Variants in NFKB1 observed in about 807,000 individuals in gnomAD.
NFKB1 encodes the protein nuclear factor NF-kappa-B p105 subunit.
In NFKB1, 9 loss-of-function variants were observed where a neutral mutation model predicts 105.1. The observed-to-expected ratio is 0.09, with a 90% CI of 0.05 to 0.15. NFKB1 has a LOEUF of 0.15. NFKB1 is among the 10% of genes least tolerant of loss of function. The probability of loss-of-function intolerance (pLI) is 1.00; values close to 1 mark genes in which losing one functional copy is unlikely to be tolerated. For synonymous variants in NFKB1, 440 were observed against 442.2 expected (o/e 1.00, Z 0.06); for missense variants, 830 against 1,203.7 (o/e 0.69, Z 4.59).
chr4:102,558,053 T>A (rs968010558), intron 5 of NFKB1, among the ~76,000 whole-genome samples: 4 of 151,844 alleles, frequency 2.6e-5, no homozygotes, highest in Non-Finnish European at 4.4e-5. Context: ...TTTTTTTACT[T>A]TTAAGTTTTA....
At position 102,530,569 on chromosome 4, in the gene NFKB1, C is replaced by T. The variant is rs191540072; in HGVS notation, c.118+655C>T. Among the ~76,000 whole-genome samples, 9 of 152,256 alleles carry T rather than the reference C, an allele frequency of 5.9e-5. No homozygotes were observed. The East Asian group carries it at 7.7e-4, about 13-fold the overall frequency. On this transcript the variant is annotated intron_variant, in intron 3 of 23. Transcript: ENST00000226574. Reference sequence around the variant, plus strand: ...GTTCTGTTTCTCTCCTCACTTCACCCGTCACCAGTGGGACTTAACAGATGT... The same window carrying T: ...GTTCTGTTTCTCTCCTCACTTCACCTGTCACCAGTGGGACTTAACAGATGT...
rs147512838 is a variant in NFKB1 at position 102,604,023 on chromosome 4, TTA to T, written c.1753-2471_1753-2470del. ...CATTATTGGAGGGTTTTATGTATTT[TTA>T]TGTTTTTAATTATTATACATATCAT... On this transcript the variant is annotated intron_variant, in intron 16 of 23. Coordinates refer to ENST00000226574, the MANE Select transcript of NFKB1 (RefSeq NM_003998.4). Among the ~76,000 whole-genome samples the T allele has an allele frequency of 2.3e-3, 350 of 152,352 alleles. 1 individual carries two copies. Among genetic ancestry groups the T allele is most frequent in the African/African-American group, 8.2e-3 (339 of 41,580 alleles).
intron 6 of NFKB1, among the ~76,000 whole-genome samples, chr4:102,570,884 A>G (rs1578776339): frequency 6.6e-6 from 1 of 152,202 alleles, no homozygotes; most frequent in Non-Finnish European, 1.5e-5. Context: ...GGAAGAATCA[A>G]TATCGTGAAA....
At chr4:102,533,998 A>G (rs1478022299) in intron 4 of NFKB1, 113 bp downstream of exon 4, 1 of 872,048 alleles carries the variant, frequency 1.1e-6, no homozygotes, top group Admixed American at 2.8e-5. Flanking sequence ...TATCTGAAAG[A>G]TCAACAACCT....
intron 5 of NFKB1, among the ~76,000 whole-genome samples, chr4:102,549,874 A>G (rs1414619076): frequency 6.6e-6 from 1 of 152,084 alleles, no homozygotes; most frequent in Non-Finnish European, 1.5e-5. Flanking sequence ...TTCAGAAACT[A>G]ATTATTCTTC....
intron 5 of NFKB1, among the ~76,000 whole-genome samples, chr4:102,541,556 T>C (rs1026058027): frequency 6.6e-6 from 1 of 152,126 alleles, no homozygotes; most frequent in African/African-American, 2.4e-5. Flanking sequence ...TGTTATAAAC[T>C]ATTACAGAAG....
chr4:102,541,554 A>G (rs187659192), intron 5 of NFKB1, among the ~76,000 whole-genome samples: 1 of 152,242 alleles, frequency 6.6e-6, no homozygotes, highest in Non-Finnish European at 1.5e-5. Flanking sequence ...ACTGTTATAA[A>G]CTATTACAGA....
At chr4:102,555,423 C>T (rs1423689789) in intron 5 of NFKB1, among the ~76,000 whole-genome samples, 2 of 152,156 alleles carry the variant, frequency 1.3e-5, no homozygotes, top group Non-Finnish European at 2.9e-5. Context: ...GGAAACAATC[C>T]ATTTAATAGA....
chr4:102,575,613 A>G (rs1457528867), intron 6 of NFKB1, among the ~76,000 whole-genome samples: 3 of 152,074 alleles, frequency 2.0e-5, no homozygotes, highest in Non-Finnish European at 4.4e-5. Context: ...GGAATTTTGT[A>G]CTTACTGTTC....
rs576495979 is a variant in NFKB1 at position 102,581,964 on chromosome 4, T to TA, written c.836-897dup. 3.7e-3 allele frequency among the ~76,000 whole-genome samples: 563 copies of TA among 152,310 alleles called. 1 individual carries two copies. Among genetic ancestry groups the TA allele is most frequent in the Middle Eastern group, 0.014 (4 of 294 alleles). On this transcript the variant is annotated intron_variant, in intron 9 of 23. Coordinates refer to ENST00000226574, the MANE Select transcript of NFKB1 (RefSeq NM_003998.4). ...TTCTAAAATTCTACTTACATAGAGA[T>TA]AAAAACTTTGAACAAAGTCAATAGT...
chr4:102,597,394 A>G (rs1001281002), intron 14 of NFKB1, 126 bp from the exon 15 acceptor site: 15 of 1,015,440 alleles, frequency 1.5e-5, no homozygotes, highest in African/African-American at 1.6e-5. Flanking sequence ...TTGAAAGAAC[A>G]TTTTCAACTA....
At chr4:102,512,833 A>G (rs1329126506) in intron 1 of NFKB1, among the ~76,000 whole-genome samples, 1 of 152,232 alleles carries the variant, frequency 6.6e-6, no homozygotes, top group Non-Finnish European at 1.5e-5. Context: ...AGGACCAAAC[A>G]TTGCTGGTTC....
At chr4:102,513,030 A>C (rs1429891976) in intron 1 of NFKB1, among the ~76,000 whole-genome samples, 1 of 152,248 alleles carries the variant, frequency 6.6e-6, no homozygotes, top group Admixed American at 6.5e-5. Context: ...TCAGTCTGAA[A>C]ATATGAATAT....
At position 102,538,791 on chromosome 4, in the gene NFKB1, T is replaced by C. The variant is rs577618349; in HGVS notation, c.258+835T>C. Among the ~76,000 whole-genome samples, 358 of 152,336 alleles carry C rather than the reference T, an allele frequency of 2.4e-3. 2 individuals are homozygous for C. Among genetic ancestry groups the C allele is most frequent in the African/African-American group, 8.3e-3 (347 of 41,586 alleles). ...TAATTTAGTTTTTTATAAAAGTTATTATTTAGTCAGTAATTCAAGGCTTGG... is the reference window on the plus strand; with the variant it reads ...TAATTTAGTTTTTTATAAAAGTTATCATTTAGTCAGTAATTCAAGGCTTGG... On this transcript the variant is annotated intron_variant, in intron 5 of 23. Transcript: ENST00000226574.
At chr4:102,521,972 A>G (rs1253043348) in intron 1 of NFKB1, among the ~76,000 whole-genome samples, 1 of 152,178 alleles carries the variant, frequency 6.6e-6, no homozygotes, top group Non-Finnish European at 1.5e-5. Flanking sequence ...TAGAAACCTC[A>G]CTACTGGGAA....
In NFKB1 at chr4:102,502,576, A is replaced by C. The variant is rs560880014; in HGVS notation, c.-8+788A>C. Among the ~76,000 whole-genome samples, 10 of 152,298 alleles carry C rather than the reference A, an allele frequency of 6.6e-5. No individual in the cohort carries two copies. The East Asian group carries it at 1.4e-3, about 21-fold the overall frequency. On this transcript the variant is annotated intron_variant, in intron 1 of 23. Coordinates refer to ENST00000226574, the MANE Select transcript of NFKB1 (RefSeq NM_003998.4). ...ACAGTGCCACCATGCATTATGCATG[A>C]CCGCTGAAACAAAAATAATGTAAAA...
At chr4:102,520,947 T>C (rs1342576957) in intron 1 of NFKB1, among the ~76,000 whole-genome samples, 1 of 152,206 alleles carries the variant, frequency 6.6e-6, no homozygotes, top group African/African-American at 2.4e-5. Flanking sequence ...TATATGTTTC[T>C]AATTACATAA....
chr4:102,580,504 A>T (rs767875393), intron 8 of NFKB1, 31 bp from the exon 9 acceptor site: 3 of 1,581,602 alleles, frequency 1.9e-6, no homozygotes, highest in African/African-American at 1.3e-5. Flanking sequence ...AGGATTAATC[A>T]TGTTATTTGT....
rs114760817 is a variant in NFKB1, at chr4:102,578,673, G to A, written c.572-208G>A. ...CGGAAGAGAGTTTTTACTGTAATCC[G>A]GAGAAAATGCAGGTCTTCTTTGATG... On this transcript the variant is annotated intron_variant, in intron 7 of 23. Coordinates refer to ENST00000226574, the MANE Select transcript of NFKB1 (RefSeq NM_003998.4). The A allele has an allele frequency of 1.0e-3, 524 of 520,282 alleles. 3 individuals carry two copies. The highest frequency in any genetic ancestry group is 8.7e-3 in the African/African-American group (456 of 52,298). The allele number at this position is 520,282 out of a possible 1,614,324, so 32.2% of individuals were successfully genotyped here.
Sources: allele counts gnomAD v4.1 joint callset (sites outside exome capture counted in the v4.1 genomes callset), GRCh38; gene constraint gnomAD v4.1.1; transcripts MANE v1.5; gene names NCBI Gene and HGNC (gene_info 2026-07-23, HGNC 2026-07-21).